The following RANBP17 variants were observed in gnomAD, a reference collection of about 807,000 sequenced individuals.
RANBP17 encodes ran-binding protein 17.
A neutral mutation model predicts 141.2 loss-of-function variants in RANBP17; 158 were observed. The observed-to-expected ratio is 1.12, with a 90% CI of 0.98 to 1.28. RANBP17 has a LOEUF of 1.28. Among genes scored for constraint, RANBP17 ranks in the 50% most tolerant of loss-of-function variants. RANBP17 has a pLI of 0.00. For missense variants in RANBP17, 1,438 were observed against 1,290.7 expected, an observed-to-expected ratio of 1.11 and a Z score of -1.75; for synonymous variants, 430 against 450.0, an observed-to-expected ratio of 0.96 and a Z score of 0.56.
chr5:171,048,605 T>C (rs1375012673), intron 14 of RANBP17, among the ~76,000 whole-genome samples: 2 of 152,256 alleles, frequency 1.3e-5, no homozygotes, highest in Non-Finnish European at 2.9e-5. Context: ...ACTCGATAGG[T>C]AGTCTTTCAG....
chr5:171,034,322 G>T (rs1245342832), intron 14 of RANBP17, among the ~76,000 whole-genome samples: 4 of 152,000 alleles, frequency 2.6e-5, no homozygotes, highest in African/African-American at 9.7e-5. Flanking sequence ...ATTACTCTTA[G>T]GGTTATCATA....
At chr5:170,869,582 ATCT>A (rs1397721800) in intron 1 of RANBP17, among the ~76,000 whole-genome samples, 1 of 152,134 alleles carries the variant, frequency 6.6e-6, no homozygotes, top group East Asian at 1.9e-4. Flanking sequence ...GCTGCTGGCA[ATCT>A]TCGTTGTTTC....
chr5:171,232,711 T>C (rs1764277381), intron 22 of RANBP17, among the ~76,000 whole-genome samples: 1 of 152,204 alleles, frequency 6.6e-6, no homozygotes, highest in Non-Finnish European at 1.5e-5. Context: ...ACACATATTT[T>C]CCCAAAAGTG....
At position 171,170,152 on chromosome 5, in the gene RANBP17, T is replaced by C. The variant is rs1759998080; in HGVS notation, c.1733T>C (p.Val578Ala). Residue 578 changes from valine (V) to alanine (A), a missense_variant, in exon 15 of 28, where the codon GTC (valine) becomes GCC (alanine). Coordinates refer to ENST00000523189, the MANE Select transcript of RANBP17 (RefSeq NM_022897.5). ...CAGGTATATGCTCGTATGTCAGAAG[T>C]CTTAGGAATAACAGATGACAACCAC... ...TSKVYARMSE[V>A]LGITDDNHVL... 1 of 1,586,230 alleles carries C rather than the reference T, an allele frequency of 6.3e-7. No homozygotes were observed. The highest frequency in any genetic ancestry group is 1.2e-5 in the South Asian group (1 of 86,452).
chr5:170,897,012 C>T (rs570572978), intron 5 of RANBP17: 23 of 1,114,102 alleles, frequency 2.1e-5, no homozygotes, highest in African/African-American at 3.1e-5. Context: ...TAAGGGAGCA[C>T]GCCGCGGTCA....
At chr5:170,921,077 A>G (rs141594605) in intron 11 of RANBP17, among the ~76,000 whole-genome samples, 4,004 of 152,238 alleles carry the variant, frequency 0.026, 171 homozygotes, top group African/African-American at 0.09. Flanking sequence ...TTTGCTGTGC[A>G]GAAGCTCTTT....
At chr5:171,173,784 G>A (rs1431198183) in intron 16 of RANBP17, among the ~76,000 whole-genome samples, 1 of 152,168 alleles carries the variant, frequency 6.6e-6, no homozygotes, top group Non-Finnish European at 1.5e-5. Context: ...GTTAGGCCTA[G>A]GCCTGAGAAT....
Position 171,237,545 on chromosome 5 carries a change from A to C in RANBP17, c.2423-3383A>C, listed in dbSNP as rs1480286716. On this transcript the variant is annotated intron_variant, in intron 22 of 27. Coordinates refer to ENST00000523189, the MANE Select transcript of RANBP17 (RefSeq NM_022897.5). Reference sequence around the variant, plus strand: ...ATCTTACCCAGCTTACGGATGTTACAGTATCTTTTTCCCCTCCCCAAATTA... The same window carrying C: ...ATCTTACCCAGCTTACGGATGTTACCGTATCTTTTTCCCCTCCCCAAATTA... 2.0e-5 allele frequency among the ~76,000 whole-genome samples: 3 copies of C among 152,306 alleles called. No individual in the cohort carries two copies. In the East Asian group the frequency reaches 5.8e-4, roughly 29 times the overall value.
intron 14 of RANBP17, among the ~76,000 whole-genome samples, chr5:171,065,182 G>T (rs921965316): frequency 2.6e-5 from 4 of 151,948 alleles, no homozygotes; most frequent in African/African-American, 7.3e-5. Flanking sequence ...GTAGTGGAAG[G>T]AATGAATCTA....
chr5:170,990,822 A>G (rs1272979704), intron 14 of RANBP17, among the ~76,000 whole-genome samples: 1 of 152,000 alleles, frequency 6.6e-6, no homozygotes, highest in Admixed American at 6.6e-5. Context: ...ATAGGTAAAG[A>G]GGCAGTGATA....
At position 171,261,447 on chromosome 5, in the gene RANBP17, G is replaced by A. The variant is rs146841565; in HGVS notation, c.2777-4234G>A. 7.3e-4 allele frequency among the ~76,000 whole-genome samples: 111 copies of A among 152,198 alleles called. 1 individual carries two copies. In the East Asian group the frequency reaches 0.018, roughly 24 times the overall value. The stretch of plus-strand genomic sequence containing the variant: ...AGACCTTCATTCTCCTTTGTGTTGT[G>A]GTGACAAGTTTTGAGCTTAAGGCAG... On this transcript the variant is annotated intron_variant, in intron 24 of 27. Transcript: ENST00000523189.
At chr5:171,049,223 A>G (rs986584683) in intron 14 of RANBP17, among the ~76,000 whole-genome samples, 1 of 152,140 alleles carries the variant, frequency 6.6e-6, no homozygotes, top group East Asian at 1.9e-4. Context: ...GCATTTCTCT[A>G]ATGATTAGTG....
Position 171,052,603 on chromosome 5 carries a change from T to C in RANBP17, c.1710+84226T>C, listed in dbSNP as rs572236528. Among the ~76,000 whole-genome samples the C allele has an allele frequency of 7.9e-5, 12 of 152,340 alleles. No homozygotes were observed. In the East Asian group the frequency reaches 2.1e-3, roughly 27 times the overall value. On this transcript the variant is annotated intron_variant, in intron 14 of 27. Coordinates refer to ENST00000523189, the MANE Select transcript of RANBP17 (RefSeq NM_022897.5). ...CTGTATGTCTGTTCTTACGCTATTA[T>C]CACACGGTTTTGGTTACTGTAGCTT...
chr5:170,912,680 G>A (rs1771626717), intron 7 of RANBP17, among the ~76,000 whole-genome samples: 1 of 143,224 alleles, frequency 7.0e-6, no homozygotes, highest in South Asian at 2.6e-4. Flanking sequence ...GAACAAAAAA[G>A]CAAGGAGATG....
intron 18 of RANBP17, among the ~76,000 whole-genome samples, chr5:171,196,414 ATTAAG>A (rs1228721771): frequency 1.3e-5 from 2 of 152,222 alleles, no homozygotes; most frequent in African/African-American, 4.8e-5. Context: ...CGCTCAGAAT[ATTAAG>A]TTAGGAGTTG....
intron 14 of RANBP17, among the ~76,000 whole-genome samples, chr5:170,977,785 G>C (rs1777487258): frequency 6.6e-6 from 1 of 152,062 alleles, no homozygotes; most frequent in Non-Finnish European, 1.5e-5. Context: ...GAAATGTCTG[G>C]AATAGGCAAA....
intron 24 of RANBP17, among the ~76,000 whole-genome samples, chr5:171,260,761 T>C (rs950917544): frequency 6.6e-6 from 1 of 151,972 alleles, no homozygotes; most frequent in African/African-American, 2.4e-5. Context: ...ATAGAGAGTG[T>C]CTAAATGTAG....
intron 22 of RANBP17, among the ~76,000 whole-genome samples, chr5:171,226,421 C>T (rs1456587052): frequency 6.6e-6 from 1 of 152,066 alleles, no homozygotes; most frequent in Non-Finnish European, 1.5e-5. Flanking sequence ...TATAAAGATT[C>T]TAAACTTTAA....
intron 14 of RANBP17, among the ~76,000 whole-genome samples, chr5:171,086,388 G>A (rs1785656505): frequency 6.6e-6 from 1 of 151,916 alleles, no homozygotes; most frequent in Non-Finnish European, 1.5e-5. Context: ...GAGGATTTTT[G>A]TATCAATGTT....
Sources: gnomAD v4.1 joint callset for allele counts (sites outside exome capture counted in the v4.1 genomes callset) on GRCh38, gnomAD v4.1.1 for gene constraint, MANE v1.5 for transcripts, NCBI Gene and HGNC (gene_info 2026-07-23, HGNC 2026-07-21) for gene names.